The following EFCAB13 variants were observed in gnomAD, a reference collection of about 807,000 sequenced individuals.
EFCAB13 encodes EF-hand calcium-binding domain-containing protein 13.
Under a neutral mutation model 110.2 loss-of-function variants are expected in EFCAB13, and 91 were observed. The observed-to-expected ratio is 0.83, with a 90% CI of 0.70 to 0.98. The LOEUF (loss-of-function observed/expected upper bound fraction) is 0.98, where lower values mean the gene tolerates loss of function less well. Among genes scored for constraint, EFCAB13 ranks in the 50% least tolerant of loss-of-function variants. EFCAB13 has a pLI of 0.00. For missense variants in EFCAB13, 968 were observed against 1,119.4 expected (o/e 0.86, Z 1.93); for synonymous variants, 323 against 369.9 (o/e 0.87, Z 1.45).
chr17:47,361,662 T>C, intron 10 of EFCAB13, 141 bp downstream of exon 10: 1 of 589,966 alleles, frequency 1.7e-6, no homozygotes, highest in Non-Finnish European at 2.7e-6. Flanking sequence ...TGACACTGTT[T>C]ACTGGTGTCT....
intron 9 of EFCAB13, among the ~76,000 whole-genome samples, chr17:47,350,492 T>A (rs1311281790): frequency 6.6e-6 from 1 of 152,178 alleles, no homozygotes. Flanking sequence ...CACTCTTACC[T>A]TTATCACAGA....
At chr17:47,384,756 C>T (rs2065667045) in intron 14 of EFCAB13, among the ~76,000 whole-genome samples, 1 of 151,784 alleles carries the variant, frequency 6.6e-6, no homozygotes, top group Non-Finnish European at 1.5e-5. Context: ...TGACCTCTCT[C>T]TCTGGCTGCC....
At chr17:47,432,508 T>C (rs2143522254) in intron 24 of EFCAB13, among the ~76,000 whole-genome samples, 1 of 152,252 alleles carries the variant, frequency 6.6e-6, no homozygotes, top group Non-Finnish European at 1.5e-5. Context: ...AAGAATTGCT[T>C]GAGCCCAGGA....
intron 23 of EFCAB13, among the ~76,000 whole-genome samples, chr17:47,415,789 T>C (rs1904421425): frequency 6.6e-6 from 1 of 152,138 alleles, no homozygotes; most frequent in East Asian, 1.9e-4. Flanking sequence ...GCAGTATCAA[T>C]CCCTGTATTA....
intron 14 of EFCAB13, among the ~76,000 whole-genome samples, chr17:47,386,753 C>T (rs1307812816): frequency 6.6e-6 from 1 of 152,100 alleles, no homozygotes; most frequent in African/African-American, 2.4e-5. Context: ...AACCCAGGGC[C>T]CTGGTGGTGT....
At chr17:47,408,275 A>G (rs1351207400) in intron 20 of EFCAB13, among the ~76,000 whole-genome samples, 1 of 152,204 alleles carries the variant, frequency 6.6e-6, no homozygotes, top group Non-Finnish European at 1.5e-5. Flanking sequence ...CCATCTATAT[A>G]GCCTCAGCTT....
At chr17:47,399,348 C>G (rs2070815932) in intron 17 of EFCAB13, among the ~76,000 whole-genome samples, 1 of 152,158 alleles carries the variant, frequency 6.6e-6, no homozygotes, top group Non-Finnish European at 1.5e-5. Flanking sequence ...CTTCTTTTAA[C>G]ATTGTGCACT....
chr17:47,345,293 T>G (rs2065408904), intron 8 of EFCAB13, among the ~76,000 whole-genome samples, 195 bp downstream of exon 8: 1 of 152,144 alleles, frequency 6.6e-6, no homozygotes, highest in South Asian at 2.1e-4. Context: ...TTTGGTTGTA[T>G]TGGTAAGATA....
intron 2 of EFCAB13, among the ~76,000 whole-genome samples, chr17:47,325,331 C>T (rs549242552): frequency 7.2e-5 from 11 of 152,052 alleles, no homozygotes; most frequent in African/African-American, 2.7e-4. Context: ...AGCCTGATTG[C>T]TCACTCTTGA....
chr17:47,352,890 T>C (rs1161713859), intron 9 of EFCAB13, among the ~76,000 whole-genome samples: 2 of 152,210 alleles, frequency 1.3e-5, no homozygotes, highest in Non-Finnish European at 2.9e-5. Flanking sequence ...TTGATACTAG[T>C]GTATAGAAAT....
intron 3 of EFCAB13, among the ~76,000 whole-genome samples, chr17:47,327,715 A>G (rs1255029064): frequency 6.6e-6 from 1 of 152,200 alleles, no homozygotes; most frequent in South Asian, 2.1e-4. Flanking sequence ...TCGGCCTCCC[A>G]TAGTGCTGGG....
At chr17:47,371,075 TTTTTTTTTA>T (rs2065581648) in intron 11 of EFCAB13, among the ~76,000 whole-genome samples, 1 of 150,974 alleles carries the variant, frequency 6.6e-6, no homozygotes, top group Non-Finnish European at 1.5e-5. Flanking sequence ...TTTTTTTTTT[TTTTTTTTTA>T]CTGTTGTTTG....
At chr17:47,403,832 G>C in intron 18 of EFCAB13, 46 bp from the exon 19 acceptor site, 1 of 1,533,038 alleles carries the variant, frequency 6.5e-7, no homozygotes, top group South Asian at 1.3e-5. Flanking sequence ...AATGTCTTGA[G>C]TGATGGCTAC....
chr17:47,349,924 G>A (rs966073625), intron 9 of EFCAB13, among the ~76,000 whole-genome samples: 23 of 151,256 alleles, frequency 1.5e-4, no homozygotes, highest in South Asian at 4.2e-4. Context: ...ACAGGTGCCC[G>A]CCACCGCGCC....
chr17:47,401,704 G>A (rs1250904848), intron 17 of EFCAB13, among the ~76,000 whole-genome samples: 1 of 147,804 alleles, frequency 6.8e-6, no homozygotes, highest in Non-Finnish European at 1.5e-5. Context: ...GAGTGCAGTG[G>A]TGAGATCTTG....
Position 47,439,358 on chromosome 17 carries a change from G to A in EFCAB13, c.2639-1073G>A, listed in dbSNP as rs551666727. On this transcript the variant is annotated intron_variant, in intron 24 of 24. Transcript: ENST00000331493. ...CCCCTGGCTAATTTTTGTATTTTCA[G>A]TAGAGACGGGGTTTCACCATGTTGG... Among the ~76,000 whole-genome samples, 175 of 151,586 alleles carry A rather than the reference G, an allele frequency of 1.2e-3. 4 individuals carry two copies. The highest frequency in any genetic ancestry group is 1.8e-4 in the Non-Finnish European group (12 of 67,842).
chr17:47,425,779 G>A (rs1904930497), intron 23 of EFCAB13, among the ~76,000 whole-genome samples: 1 of 152,136 alleles, frequency 6.6e-6, no homozygotes, highest in Non-Finnish European at 1.5e-5. Flanking sequence ...TGTTAAGTAG[G>A]TACTATCTGA....
At position 47,352,123 on chromosome 17, in the gene EFCAB13, C is replaced by G. The variant is rs374061081; in HGVS notation, c.661+4172C>G. ...TTCACCGTGTTAGCCAGGATGGTCT[C>G]GATCTCCTGACCTCATGATCCTCCC... On this transcript the variant is annotated intron_variant, in intron 9 of 24. Transcript: ENST00000331493. 4.0e-5 allele frequency among the ~76,000 whole-genome samples: 6 copies of G among 151,434 alleles called. No homozygotes were observed. The East Asian group carries it at 1.2e-3, about 29-fold the overall frequency.
At chr17:47,389,562 A>C in intron 14 of EFCAB13, among the ~76,000 whole-genome samples, 2 of 149,086 alleles carry the variant, frequency 1.3e-5, no homozygotes, top group East Asian at 2.0e-4. Context: ...TACAGTGACC[A>C]GGCCCCTCAT....
Sources: allele counts gnomAD v4.1 joint callset (sites outside exome capture counted in the v4.1 genomes callset), GRCh38; gene constraint gnomAD v4.1.1; transcripts MANE v1.5; gene names NCBI Gene and HGNC (gene_info 2026-07-23, HGNC 2026-07-21).